Variants in H2BC9 observed in about 807,000 individuals in gnomAD.
The protein encoded by H2BC9 is histone H2B type 1-H.
A neutral mutation model predicts 5.8 loss-of-function variants in H2BC9; 11 were observed. The observed-to-expected ratio is 1.89, with a 90% CI of 1.19 to 3.12. H2BC9 has a LOEUF of 3.12. Among genes scored for constraint, H2BC9 ranks in the 30% most tolerant of loss-of-function variants. The pLI is 0.00. For missense variants in H2BC9, 219 were observed against 167.8 expected, an observed-to-expected ratio of 1.30 and a Z score of -1.68; for synonymous variants, 136 against 72.2, an observed-to-expected ratio of 1.88 and a Z score of -4.48.
Position 26,251,765 on chromosome 6 carries a change from T to A in H2BC9, c.115T>A (p.Ser39Thr), listed in dbSNP as rs1760079496. ...KRKRSRKESY[S>T]VYVYKVLKQV... ...TAAACGCAGCCGCAAGGAGAGCTAC[T>A]CCGTATACGTTTACAAGGTGCTGAA... The change falls in exon 1 of 1, where the codon TCC (serine) becomes ACC (threonine). Residue 39 changes from serine (S) to threonine (T), a missense_variant. Ser to Thr is a moderately conservative substitution (Grantham distance 58). Coordinates refer to ENST00000619466, the MANE Select transcript of H2BC9 (RefSeq NM_003524.3). The A allele has an allele frequency of 6.2e-7, 1 of 1,614,090 alleles. No homozygotes were observed. The highest frequency in any genetic ancestry group is 8.5e-7 in the Non-Finnish European group (1 of 1,180,048).
rs145237651 is a variant in H2BC9 at position 26,251,791 on chromosome 6, G to A, written c.141G>A (p.Lys47=). The change falls in exon 1 of 1, where the codon AAG becomes AAA. Residue 47 remains lysine (K), a synonymous_variant. Transcript: ENST00000619466. ...SYSVYVYKVL[K]QVHPDTGISS... is the part of the protein sequence containing the mutation. ...CCGTATACGTTTACAAGGTGCTGAA[G>A]CAAGTCCACCCCGACACCGGCATCT... The A allele has an allele frequency of 6.5e-4, 1,046 of 1,614,254 alleles. 4 individuals carry two copies. The African/African-American group carries it at 7.0e-3, about 11-fold the overall frequency.
rs1318072444 is a variant in H2BC9 at position 26,252,005 on chromosome 6, G to A, written c.355G>A (p.Val119Ile). The change falls in exon 1 of 1, where the codon GTC (valine) becomes ATC (isoleucine). Residue 119 changes from valine to isoleucine, a missense_variant. Physicochemically the swap from Val to Ile is conservative, Grantham distance 29. Transcript: ENST00000619466. ...CGCCGTGTCCGAGGGCACTAAGGCC[G>A]TCACCAAGTACACCAGCTCCAAATA... ...KHAVSEGTKA[V>I]TKYTSSK 5.6e-6 allele frequency: 9 copies of A among 1,614,074 alleles called. No homozygotes were observed. The highest frequency in any genetic ancestry group is 2.2e-5 in the East Asian group (1 of 44,894).
chr6:26,251,627 T>G lies in H2BC9; in HGVS notation c.-24T>G, dbSNP rs761438161. ...TGTTGAGCCTTCACTTTGGGGTGTA[T>G]TCTTACTCCTTTATCTTGTTGCAAT... On this transcript the variant is annotated 5_prime_UTR_variant, in exon 1 of 1. Transcript: ENST00000619466. 7 of 1,613,310 alleles carry G rather than the reference T, an allele frequency of 4.3e-6. No homozygotes were observed. The Admixed American group carries it at 1.0e-4, about 23-fold the overall frequency.
In H2BC9 at chr6:26,251,825, G is replaced by T. The variant is rs751149097; in HGVS notation, c.175G>T (p.Ala59Ser). The T allele has an allele frequency of 3.1e-6, 5 of 1,614,240 alleles. No homozygotes were observed. Among genetic ancestry groups the T allele is most frequent in the African/African-American group, 1.3e-5 (1 of 75,058 alleles). Residue 59 changes from alanine to serine, a missense_variant, in exon 1 of 1, where the codon GCC (alanine) becomes TCC (serine). Coordinates refer to ENST00000619466, the MANE Select transcript of H2BC9 (RefSeq NM_003524.3). ...VHPDTGISSKAMGIMNSFVND... is the reference protein window; with the variant it reads ...VHPDTGISSKSMGIMNSFVND... ...CCCCGACACCGGCATCTCCTCCAAA[G>T]CCATGGGGATCATGAATTCCTTTGT... is the stretch of plus-strand genomic sequence containing the variant.
rs745877855 is a variant in H2BC9 at position 26,252,036 on chromosome 6, A to G, written c.*5A>G. 4 of 1,614,096 alleles carry G rather than the reference A, an allele frequency of 2.5e-6. No individual in the cohort carries two copies. Among genetic ancestry groups the G allele is most frequent in the Non-Finnish European group, 3.4e-6 (4 of 1,180,006 alleles). On this transcript the variant is annotated 3_prime_UTR_variant, in exon 1 of 1. Coordinates refer to ENST00000619466, the MANE Select transcript of H2BC9 (RefSeq NM_003524.3). ...AAGTACACCAGCTCCAAATAAATGG[A>G]CGCATGTTCAAACCCAAAGGCTCTT...
chr6:26,251,982 C>T lies in H2BC9; in HGVS notation c.332C>T (p.Ala111Val), dbSNP rs1454321085. The change falls in exon 1 of 1, where the codon GCC (alanine) becomes GTC (valine). Residue 111 changes from alanine (A) to valine (V), a missense_variant. Ala to Val is a moderately conservative substitution (Grantham distance 64). Transcript: ENST00000619466. ...LLLPGELAKH[A>V]VSEGTKAVTK... ...CTGCCTGGGGAACTGGCCAAGCACG[C>T]CGTGTCCGAGGGCACTAAGGCCGTC... 3 of 1,614,242 alleles carry T rather than the reference C, an allele frequency of 1.9e-6. No homozygotes were observed. Among genetic ancestry groups the T allele is most frequent in the Non-Finnish European group, 1.7e-6 (2 of 1,180,044 alleles).
Position 26,251,678 on chromosome 6 carries a change from G to A in H2BC9, c.28G>A (p.Ala10Thr), listed in dbSNP as rs766235494. ...GCCTGATCCAGCTAAGTCCGCTCCC[G>A]CCCCGAAGAAGGGCTCCAAGAAGGC... MPDPAKSAP[A>T]PKKGSKKAVT... Residue 10 changes from alanine (A) to threonine (T), a missense_variant, in exon 1 of 1, where the codon GCC (alanine) becomes ACC (threonine). By Grantham distance (58) the Ala-to-Thr change is moderately conservative. Coordinates refer to ENST00000619466, the MANE Select transcript of H2BC9 (RefSeq NM_003524.3). 3.7e-6 allele frequency: 6 copies of A among 1,614,082 alleles called. No individual in the cohort carries two copies. The highest frequency in any genetic ancestry group is 4.5e-5 in the East Asian group (2 of 44,892).
rs766499074 is a variant in H2BC9, at chr6:26,251,878, C to T, written c.228C>T (p.Gly76=). 1.9e-6 allele frequency: 3 copies of T among 1,614,106 alleles called. No homozygotes were observed. The African/African-American group carries it at 4.0e-5, about 22-fold the overall frequency. The part of the protein sequence containing the change: ...FVNDIFERIA[G]EASRLAHYNK... ...ACGATATCTTCGAGCGCATCGCCGG[C>T]GAGGCTTCCCGCCTGGCTCATTACA... The change falls in exon 1 of 1, where the codon GGC becomes GGT. Residue 76 remains glycine, a synonymous_variant. Coordinates refer to ENST00000619466, the MANE Select transcript of H2BC9 (RefSeq NM_003524.3).
chr6:26,252,051 C>T lies in H2BC9; in HGVS notation c.*20C>T, dbSNP rs759142395. 4.3e-6 allele frequency: 7 copies of T among 1,613,938 alleles called. No individual in the cohort carries two copies. Among genetic ancestry groups the T allele is most frequent in the Admixed American group, 1.7e-5 (1 of 59,900 alleles). On this transcript the variant is annotated 3_prime_UTR_variant, in exon 1 of 1. Transcript: ENST00000619466. ...AAATAAATGGACGCATGTTCAAACC[C>T]AAAGGCTCTTTTCAGAGCCACTTAA...
chr6:26,251,959 G>A lies in H2BC9; in HGVS notation c.309G>A (p.Leu103=). 1 of 1,614,242 alleles carries A rather than the reference G, an allele frequency of 6.2e-7. No homozygotes were observed. The highest frequency in any genetic ancestry group is 8.5e-7 in the Non-Finnish European group (1 of 1,180,052). ...TCCAGACAGCCGTGCGCCTGCTGCT[G>A]CCTGGGGAACTGGCCAAGCACGCCG... The part of the protein sequence containing the change: ...REIQTAVRLL[L]PGELAKHAVS... Residue 103 remains leucine, a synonymous_variant, in exon 1 of 1, where the codon CTG becomes CTA. Coordinates refer to ENST00000619466, the MANE Select transcript of H2BC9 (RefSeq NM_003524.3).
Position 26,251,981 on chromosome 6 carries a change from G to A in H2BC9, c.331G>A (p.Ala111Thr). 6.2e-7 allele frequency: 1 copy of A among 1,614,210 alleles called. No individual in the cohort carries two copies. The highest frequency in any genetic ancestry group is 8.5e-7 in the Non-Finnish European group (1 of 1,180,036). ...LLLPGELAKH[A>T]VSEGTKAVTK... ...GCTGCCTGGGGAACTGGCCAAGCAC[G>A]CCGTGTCCGAGGGCACTAAGGCCGT... The change falls in exon 1 of 1, where the codon GCC becomes ACC. Residue 111 changes from alanine to threonine, a missense_variant. Transcript: ENST00000619466.
chr6:26,252,066 G>A lies in H2BC9; in HGVS notation c.*35G>A, dbSNP rs751498934. On this transcript the variant is annotated 3_prime_UTR_variant, in exon 1 of 1. Transcript: ENST00000619466. ...TGTTCAAACCCAAAGGCTCTTTTCAGAGCCACTTAATGATTTCAATTAAGA... is the reference window on the plus strand; with the variant it reads ...TGTTCAAACCCAAAGGCTCTTTTCAAAGCCACTTAATGATTTCAATTAAGA... 1 of 1,612,918 alleles carries A rather than the reference G, an allele frequency of 6.2e-7. No individual in the cohort carries two copies. The highest frequency in any genetic ancestry group is 1.3e-5 in the African/African-American group (1 of 74,866).
chr6:26,251,948 C>T lies in H2BC9; in HGVS notation c.298C>T (p.Arg100Cys), dbSNP rs1760090458. 1.2e-6 allele frequency: 2 copies of T among 1,614,086 alleles called. No homozygotes were observed. Among genetic ancestry groups the T allele is most frequent in the Non-Finnish European group, 1.7e-6 (2 of 1,180,048 alleles). ...CTCCAGGGAGATCCAGACAGCCGTG[C>T]GCCTGCTGCTGCCTGGGGAACTGGC... ...ITSREIQTAV[R>C]LLLPGELAKH... The change falls in exon 1 of 1, where the codon CGC becomes TGC. Residue 100 changes from arginine to cysteine, a missense_variant. By Grantham distance (180) the Arg-to-Cys change is radical. Transcript: ENST00000619466.
Position 26,251,771 on chromosome 6 carries a change from T to A in H2BC9, c.121T>A (p.Tyr41Asn), listed in dbSNP as rs1178305821. 6.2e-7 allele frequency: 1 copy of A among 1,614,208 alleles called. No homozygotes were observed. The highest frequency in any genetic ancestry group is 1.3e-5 in the African/African-American group (1 of 75,062). ...CAGCCGCAAGGAGAGCTACTCCGTA[T>A]ACGTTTACAAGGTGCTGAAGCAAGT... is the stretch of plus-strand genomic sequence containing the variant. The part of the protein sequence containing the change: ...KRSRKESYSV[Y>N]VYKVLKQVHP... Residue 41 changes from tyrosine (Y) to asparagine (N), a missense_variant, in exon 1 of 1, where the codon TAC (tyrosine) becomes AAC (asparagine). Coordinates refer to ENST00000619466, the MANE Select transcript of H2BC9 (RefSeq NM_003524.3).
rs971050517 is a variant in H2BC9, at chr6:26,251,930, G to A, written c.280G>A (p.Glu94Lys). The change falls in exon 1 of 1, where the codon GAG becomes AAG. Residue 94 changes from glutamate to lysine, a missense_variant. Transcript: ENST00000619466. Reference protein sequence around the residue: ...YNKRSTITSREIQTAVRLLLP... With the variant: ...YNKRSTITSRKIQTAVRLLLP... ...CAAGCGTTCGACCATCACCTCCAGG[G>A]AGATCCAGACAGCCGTGCGCCTGCT... 3.7e-6 allele frequency: 6 copies of A among 1,614,084 alleles called. No homozygotes were observed. Among genetic ancestry groups the A allele is most frequent in the African/African-American group, 2.7e-5 (2 of 74,932 alleles).
In H2BC9 at chr6:26,251,706, T is replaced by C. The variant is rs1021486693; in HGVS notation, c.56T>C (p.Val19Ala). The C allele has an allele frequency of 2.3e-5, 37 of 1,613,846 alleles. No homozygotes were observed. The highest frequency in any genetic ancestry group is 3.0e-5 in the Non-Finnish European group (35 of 1,179,996). The change falls in exon 1 of 1, where the codon GTG (valine) becomes GCG (alanine). Residue 19 changes from valine (V) to alanine (A), a missense_variant. By Grantham distance (64) the Val-to-Ala change is moderately conservative. Transcript: ENST00000619466. ...CCGAAGAAGGGCTCCAAGAAGGCGG[T>C]GACCAAGGCGCAGAAGAAGGATGGC... ...PAPKKGSKKA[V>A]TKAQKKDGKK...
Position 26,251,913 on chromosome 6 carries a change from C to T in H2BC9, c.263C>T (p.Ser88Leu), listed in dbSNP as rs201572453. The change falls in exon 1 of 1, where the codon TCG becomes TTG. Residue 88 changes from serine to leucine, a missense_variant. Transcript: ENST00000619466. ...ASRLAHYNKR[S>L]TITSREIQTA... ...CGCCTGGCTCATTACAACAAGCGTT[C>T]GACCATCACCTCCAGGGAGATCCAG... 9 of 1,614,180 alleles carry T rather than the reference C, an allele frequency of 5.6e-6. No individual in the cohort carries two copies. Among genetic ancestry groups the T allele is most frequent in the South Asian group, 1.1e-5 (1 of 91,090 alleles).
chr6:26,251,943 C>T lies in H2BC9; in HGVS notation c.293C>T (p.Ala98Val), dbSNP rs147107355. 3 of 1,614,116 alleles carry T rather than the reference C, an allele frequency of 1.9e-6. No homozygotes were observed. Among genetic ancestry groups the T allele is most frequent in the East Asian group, 2.2e-5 (1 of 44,896 alleles). The change falls in exon 1 of 1, where the codon GCC becomes GTC. Residue 98 changes from alanine to valine, a missense_variant. Transcript: ENST00000619466. ...STITSREIQTAVRLLLPGELA... is the reference protein window; with the variant it reads ...STITSREIQTVVRLLLPGELA... ...ATCACCTCCAGGGAGATCCAGACAG[C>T]CGTGCGCCTGCTGCTGCCTGGGGAA...
Position 26,251,632 on chromosome 6 carries a change from A to G in H2BC9, c.-19A>G. ...AGCCTTCACTTTGGGGTGTATTCTTACTCCTTTATCTTGTTGCAATGCCTG... is the reference window on the plus strand; with the variant it reads ...AGCCTTCACTTTGGGGTGTATTCTTGCTCCTTTATCTTGTTGCAATGCCTG... On this transcript the variant is annotated 5_prime_UTR_variant, in exon 1 of 1. Transcript: ENST00000619466. 1 of 1,613,302 alleles carries G rather than the reference A, an allele frequency of 6.2e-7. No homozygotes were observed.
Sources: gnomAD v4.1 joint callset for allele counts on GRCh38, gnomAD v4.1.1 for gene constraint, MANE v1.5 for transcripts, NCBI Gene and HGNC (gene_info 2026-07-23, HGNC 2026-07-21) for gene names.